Variants in AATK observed in about 807,000 individuals in gnomAD.
The protein encoded by AATK is lemur tail kinase 1, also known as serine/threonine-protein kinase LMTK1.
A neutral mutation model predicts 114.3 loss-of-function variants in AATK; 91 were observed. The ratio of observed to expected loss-of-function variants is 0.80; its 90% confidence interval spans 0.67 to 0.95. The LOEUF is 0.95. Among genes scored for constraint, AATK ranks in the 40% least tolerant of loss-of-function variants. The probability of loss-of-function intolerance (pLI) is 0.00; values close to 1 mark genes in which losing one functional copy is unlikely to be tolerated. For synonymous variants in AATK, 1,075 were observed against 916.5 expected, an observed-to-expected ratio of 1.17 and a Z score of -3.12; for missense variants, 2,176 against 1,965.2, an observed-to-expected ratio of 1.11 and a Z score of -2.03.
intron 1 of AATK, among the ~76,000 whole-genome samples, chr17:81,139,959 C>T (rs917810385): frequency 6.6e-6 from 1 of 152,216 alleles, no homozygotes. Context: ...GTCCTCTGTC[C>T]ACCAGCCTTG....
chr17:81,153,877 C>A (rs2061328588), intron 1 of AATK, among the ~76,000 whole-genome samples: 1 of 152,100 alleles, frequency 6.6e-6, no homozygotes, highest in Admixed American at 6.6e-5. Flanking sequence ...TCGAGACCAT[C>A]CTGGCCAACA....
chr17:81,152,844 AT>A (rs71166127), intron 1 of AATK, among the ~76,000 whole-genome samples: 46,249 of 144,914 alleles, frequency 0.32, 6,975 homozygotes, highest in Non-Finnish European at 0.36. Context: ...GCCCTGCTGA[AT>A]TTTTTTTTTT....
rs114611478 is a variant in AATK at position 81,162,270 on chromosome 17, G to A, written c.55+3668C>T. On this transcript the variant is annotated intron_variant, in intron 1 of 13. Coordinates refer to ENST00000326724, the MANE Select transcript of AATK (RefSeq NM_001080395.3). ...TGCACACCTGCAGCCTAAGGGTCTC[G>A]GTGGGAGACCTGAGACCTGAGAGGA... Among the ~76,000 whole-genome samples, 1,433 of 151,852 alleles carry A rather than the reference G, an allele frequency of 9.4e-3. 20 individuals are homozygous for A. The highest frequency in any genetic ancestry group is 0.033 in the African/African-American group (1,361 of 41,460).
chr17:81,155,131 C>T (rs1373145036), intron 1 of AATK, among the ~76,000 whole-genome samples: 4 of 152,188 alleles, frequency 2.6e-5, no homozygotes, highest in Non-Finnish European at 5.9e-5. Flanking sequence ...AAACCTTGAA[C>T]TTCCTCAAAA....
chr17:81,147,231 G>A (rs1490045164), intron 1 of AATK, among the ~76,000 whole-genome samples: 1 of 151,550 alleles, frequency 6.6e-6, no homozygotes, highest in Non-Finnish European at 1.5e-5. Flanking sequence ...CGTGGTGGCA[G>A]GTACCTGTAG....
chr17:81,123,064 G>C lies in AATK; in HGVS notation c.1112+130C>G, dbSNP rs576176837. On this transcript the variant is annotated intron_variant, in intron 10 of 13. Transcript: ENST00000326724. ...AGGGGTGCAGAGGTGGCGGGTGGAGGCCCTACCAGAGGGGAGGGGAGACCA... is the reference window on the plus strand; with the variant it reads ...AGGGGTGCAGAGGTGGCGGGTGGAGCCCCTACCAGAGGGGAGGGGAGACCA... The C allele has an allele frequency of 2.0e-5, 22 of 1,098,968 alleles. No individual in the cohort carries two copies. In the African/African-American group the frequency reaches 3.3e-4, roughly 16 times the overall value. The allele number at this position is 1,098,968 out of a possible 1,614,324, so 68.1% of individuals were successfully genotyped here.
At chr17:81,138,518 CCACACACGTGCACATACACGTTCGCGTG>C (rs1363187751) in intron 1 of AATK, among the ~76,000 whole-genome samples, 6 of 146,462 alleles carry the variant, frequency 4.1e-5, no homozygotes, top group Non-Finnish European at 7.5e-5. Flanking sequence ...CACAATGCAC[CCACACACGTGCACATACACGTTCGCGTG>C]CACACACGTG....
chr17:81,151,182 C>T (rs777135486), intron 1 of AATK, among the ~76,000 whole-genome samples: 60 of 152,168 alleles, frequency 3.9e-4, no homozygotes, highest in African/African-American at 1.3e-3. Flanking sequence ...TTCTGAGGAA[C>T]GGAATTCCTA....
At position 81,127,668 on chromosome 17, in the gene AATK, G is replaced by A. The variant is rs2060863386; in HGVS notation, c.536C>T (p.Ala179Val). The stretch of plus-strand genomic sequence containing the variant: ...CTGGAGCAGGTTGCTGTGCTTCAGG[G>A]CCCTGCGGGAGTGGACAGGCGGCCC... ...QFLEEVQPYR[A>V]LKHSNLLQCL... Residue 179 changes from alanine to valine, a missense_variant and splice_region_variant, in exon 6 of 14, where the codon GCC becomes GTC. Coordinates refer to ENST00000326724, the MANE Select transcript of AATK (RefSeq NM_001080395.3). The A allele has an allele frequency of 6.3e-7, 1 of 1,583,458 alleles. No individual in the cohort carries two copies. Among genetic ancestry groups the A allele is most frequent in the Non-Finnish European group, 8.6e-7 (1 of 1,165,396 alleles).
rs2146309404 is a variant in AATK at position 81,126,880 on chromosome 17, G to A, written c.622-320C>T. On this transcript the variant is annotated intron_variant, in intron 6 of 13. Coordinates refer to ENST00000326724, the MANE Select transcript of AATK (RefSeq NM_001080395.3). This position sits in a 1 kb window ranked among gnomAD's most constrained non-coding sequence, Gnocchi z 5.1. The stretch of plus-strand genomic sequence containing the variant: ...TGCTTGATGGAGTCTGGGGCTGGTG[G>A]TCGAGGGTTGGCCGGCAGCCCCTGA... 2.6e-6 allele frequency: 3 copies of A among 1,162,296 alleles called. No individual in the cohort carries two copies. The highest frequency in any genetic ancestry group is 6.4e-5 in the South Asian group (2 of 31,076). 72.0% of individuals were successfully genotyped at this position (1,162,296 alleles called of 1,614,324 possible).
chr17:81,161,532 C>T (rs140557728), intron 1 of AATK, among the ~76,000 whole-genome samples: 250 of 152,318 alleles, frequency 1.6e-3, no homozygotes, highest in Middle Eastern at 0.014. Flanking sequence ...CCAGGGGGCA[C>T]AGGCAGGAGC....
intron 1 of AATK, among the ~76,000 whole-genome samples, chr17:81,161,988 A>G (rs2061433429): frequency 6.6e-6 from 1 of 152,122 alleles, no homozygotes; most frequent in Non-Finnish European, 1.5e-5. Flanking sequence ...CATGGAGGGA[A>G]GCGCACAGCC....
At chr17:81,148,750 A>G (rs545891617) in intron 1 of AATK, among the ~76,000 whole-genome samples, 29 of 152,274 alleles carry the variant, frequency 1.9e-4, no homozygotes, top group African/African-American at 6.5e-4. Context: ...ATGCACACAC[A>G]CAAATGCACA....
rs541838349 is a variant in AATK at position 81,146,971 on chromosome 17, C to T, written c.56-12470G>A. ...CTAAGAAAATAACCTAGAGGGCACA[C>T]GCATCCAGAATAAAAATAAAGTAAG... On this transcript the variant is annotated intron_variant, in intron 1 of 13. Coordinates refer to ENST00000326724, the MANE Select transcript of AATK (RefSeq NM_001080395.3). 1.9e-4 allele frequency among the ~76,000 whole-genome samples: 12 copies of T among 61,554 alleles called. 1 individual carries two copies. Among genetic ancestry groups the T allele is most frequent in the African/African-American group, 4.7e-4 (7 of 14,982 alleles). 40.4% of individuals were successfully genotyped at this position (61,554 alleles called of 152,430 possible).
At chr17:81,155,189 T>C (rs2061345752) in intron 1 of AATK, among the ~76,000 whole-genome samples, 1 of 152,168 alleles carries the variant, frequency 6.6e-6, no homozygotes, top group South Asian at 2.1e-4. Flanking sequence ...CAAGATAAAA[T>C]TTCTCAAGAC....
intron 3 of AATK, 90 bp downstream of exon 3, chr17:81,130,971 G>A: frequency 6.9e-7 from 1 of 1,456,448 alleles, no homozygotes; most frequent in Non-Finnish European, 9.2e-7. Context: ...CCACTCCAGA[G>A]CTGAGTCTTC....
intron 2 of AATK, chr17:81,133,358 G>T: frequency 2.7e-6 from 1 of 365,016 alleles, no homozygotes. Flanking sequence ...CATACCAGGG[G>T]CAGGGAGGAC....
intron 1 of AATK, among the ~76,000 whole-genome samples, chr17:81,155,396 A>T (rs28887004): frequency 0.098 from 5,591 of 57,060 alleles, 170 homozygotes; most frequent in East Asian, 0.24. Flanking sequence ...TATTATTATT[A>T]TTATTTTTTG....
At position 81,119,396 on chromosome 17, in the gene AATK, G is replaced by A. The variant is rs2060657935; in HGVS notation, c.4068C>T (p.Asp1356=). Reference sequence around the variant, plus strand: ...AGGCCTCACCTCTCTTGGACTCGGCGTCCGAGTCAGACACGTGCGTGATGG... The same window carrying A: ...AGGCCTCACCTCTCTTGGACTCGGCATCCGAGTCAGACACGTGCGTGATGG... ...RFSITHVSDS[D]AESKRGPEAG... The change falls in exon 13 of 14, where the codon GAC becomes GAT. Residue 1356 remains aspartate, a synonymous_variant. Transcript: ENST00000326724. 1 of 1,555,076 alleles carries A rather than the reference G, an allele frequency of 6.4e-7. No homozygotes were observed. The highest frequency in any genetic ancestry group is 8.6e-7 in the Non-Finnish European group (1 of 1,157,860).
Sources: allele counts gnomAD v4.1 joint callset (sites outside exome capture counted in the v4.1 genomes callset), GRCh38; gene constraint gnomAD v4.1.1; non-coding constraint Gnocchi (gnomAD v3.1); transcripts MANE v1.5; gene names NCBI Gene and HGNC (gene_info 2026-07-23, HGNC 2026-07-21).